The following CCDC28B variants were observed in gnomAD, a reference collection of about 807,000 sequenced individuals.
CCDC28B encodes the protein coiled-coil domain-containing protein 28B.
A neutral mutation model predicts 18.7 loss-of-function variants in CCDC28B; 17 were observed. That is an observed-to-expected ratio of 0.91 (90% CI 0.62 to 1.36). The LOEUF (loss-of-function observed/expected upper bound fraction) is 1.36. Ranked by LOEUF, CCDC28B falls within the 40% of genes most tolerant of loss-of-function variation. CCDC28B has a pLI of 0.00. For missense variants in CCDC28B, 213 were observed against 251.7 expected (o/e 0.85, Z 1.04); for synonymous variants, 116 against 105.1 (o/e 1.10, Z -0.64).
chr1:32,203,992 G>C lies in CCDC28B; in HGVS notation c.278G>C (p.Gly93Ala). The change falls in exon 3 of 6, where the codon GGG (glycine) becomes GCG (alanine). Residue 93 changes from glycine (G) to alanine (A), a missense_variant. Transcript: ENST00000373602. ...GTGACTGATGTCTATGAGATGGAGGGGGGACTCCTGAACCTGCTCAATGAT... is the reference window on the plus strand; with the variant it reads ...GTGACTGATGTCTATGAGATGGAGGCGGGACTCCTGAACCTGCTCAATGAT... ...TEVTDVYEME[G>A]GLLNLLNDFH... 1.3e-6 allele frequency: 2 copies of C among 1,575,742 alleles called. No individual in the cohort carries two copies. The highest frequency in any genetic ancestry group is 1.7e-6 in the Non-Finnish European group (2 of 1,161,462).
chr1:32,199,979 A>T (rs888773681), upstream of CCDC28B, among the ~76,000 whole-genome samples: 4 of 152,120 alleles, frequency 2.6e-5, no homozygotes, highest in Admixed American at 6.5e-5. Context: ...GTGCCAGGGA[A>T]TCGCGTGGTC....
chr1:32,204,477 G>T, intron 4 of CCDC28B, 98 bp downstream of exon 4: 7 of 1,513,218 alleles, frequency 4.6e-6, no homozygotes, highest in Non-Finnish European at 6.2e-6. Context: ...GAAAAGGTGG[G>T]AGTGCATGGA....
chr1:32,201,697 A>G, intron 1 of CCDC28B: 1 of 381,400 alleles, frequency 2.6e-6, no homozygotes, highest in Non-Finnish European at 4.7e-6. Context: ...CTAGGTTTTC[A>G]GGCAGAAGGG....
chr1:32,198,727 G>A (rs1643080156), upstream of CCDC28B, among the ~76,000 whole-genome samples: 1 of 152,198 alleles, frequency 6.6e-6, no homozygotes, highest in East Asian at 1.9e-4. Flanking sequence ...GTGATTAAAT[G>A]GTACAGCTGG....
rs979217136 is a variant in CCDC28B at position 32,204,055 on chromosome 1, G to C, written c.331+10G>C. The C allele has an allele frequency of 1.3e-6, 2 of 1,564,972 alleles. No individual in the cohort carries two copies. The highest frequency in any genetic ancestry group is 2.7e-5 in the African/African-American group (2 of 73,602). ...CGGCTGCAGGCCTTCGGTGAGTCCT[G>C]GGGGCTGGTTTCAGCGGGTGTGTGG... On this transcript the variant is annotated intron_variant, in intron 3 of 5. Transcript: ENST00000373602.
At chr1:32,198,174 CT>C (rs1643065281), upstream of CCDC28B, 1 of 152,282 alleles carries the variant, frequency 6.6e-6, no homozygotes, top group Non-Finnish European at 1.5e-5. Flanking sequence ...GCCACTCAGA[CT>C]TGTTTGAAGC....
rs945663780 is a variant in CCDC28B at position 32,204,855 on chromosome 1, T to C, written c.548+235T>C. On this transcript the variant is annotated intron_variant, in intron 5 of 5. Transcript: ENST00000373602. ...CTGATCAAAATCTTTGTGAGTACTT[T>C]AGCTGACATCAATCATAGCAAAGCT... 8.4e-6 allele frequency: 13 copies of C among 1,539,726 alleles called. No homozygotes were observed. The South Asian group carries it at 1.6e-4, about 18-fold the overall frequency.
intron 4 of CCDC28B, 60 bp downstream of exon 4, chr1:32,204,439 C>T (rs965261932): frequency 1.3e-6 from 2 of 1,522,960 alleles, no homozygotes; most frequent in African/African-American, 1.4e-5. Flanking sequence ...AAGGTACATA[C>T]TCCCAAAGCC....
At position 32,204,172 on chromosome 1, in the gene CCDC28B, G is replaced by A. The variant is rs913800131; in HGVS notation, c.332-14G>A. 1.9e-6 allele frequency: 3 copies of A among 1,613,914 alleles called. No individual in the cohort carries two copies. Among genetic ancestry groups the A allele is most frequent in the Middle Eastern group, 1.6e-4 (1 of 6,062 alleles). ...GGACTCTTTCCCAGGGTTCAGACAG[G>A]GGCTTCGTTCCAGGGAAGGAATGCT... is the stretch of plus-strand genomic sequence containing the variant. On this transcript the variant is annotated splice_polypyrimidine_tract_variant and intron_variant, in intron 3 of 5. Transcript: ENST00000373602.
In CCDC28B at chr1:32,205,382, A is replaced by G; in HGVS notation, c.*134A>G. The G allele has an allele frequency of 1.0e-6, 1 of 962,544 alleles. No homozygotes were observed. Among genetic ancestry groups the G allele is most frequent in the Non-Finnish European group, 1.5e-6 (1 of 654,104 alleles). 59.6% of individuals were successfully genotyped at this position (962,544 alleles called of 1,614,324 possible). On this transcript the variant is annotated 3_prime_UTR_variant, in exon 6 of 6. Transcript: ENST00000373602. This position sits in a 1 kb window ranked among gnomAD's most constrained non-coding sequence, Gnocchi z 5.6. ...GTTGAATGGAATTAAACCAGAAAGA[A>G]AGCAAGCGGCTCCGTGTCCTGCTTC...
upstream of CCDC28B, chr1:32,196,834 C>G (rs979735840): frequency 1.3e-5 from 2 of 152,236 alleles, no homozygotes; most frequent in African/African-American, 4.8e-5. Context: ...ATGTTAAGTA[C>G]TGAATCATGT....
upstream of CCDC28B, chr1:32,197,174 CAG>C (rs1013028251): frequency 5.3e-5 from 8 of 151,960 alleles, no homozygotes; most frequent in African/African-American, 1.9e-4. The surrounding 1 kb of genome is among the most constrained non-coding windows in gnomAD (Gnocchi z 4.6). Context: ...GCCAACCTCA[CAG>C]AGTGTTTGCT....
chr1:32,202,514 A>AT (rs570445420), intron 2 of CCDC28B: 7 of 358,838 alleles, frequency 2.0e-5, no homozygotes, highest in Non-Finnish European at 2.7e-5. Context: ...TCTCTGTTGA[A>AT]TTTTTTTTAT....
At chr1:32,201,311 C>T (rs1355403477) in intron 1 of CCDC28B, among the ~76,000 whole-genome samples, 1 of 152,122 alleles carries the variant, frequency 6.6e-6, no homozygotes, top group Non-Finnish European at 1.5e-5. Flanking sequence ...TATAGGGAGT[C>T]CCTAATATTT....
chr1:32,203,272 C>T (rs1377549820), intron 2 of CCDC28B: 1 of 151,790 alleles, frequency 6.6e-6, no homozygotes, highest in Middle Eastern at 3.4e-3. Flanking sequence ...GCCTGGCCAA[C>T]ACGGTGAAAC....
intron 4 of CCDC28B, 78 bp downstream of exon 4, chr1:32,204,457 G>A (rs1242014955): frequency 4.0e-6 from 6 of 1,517,244 alleles, no homozygotes; most frequent in South Asian, 1.3e-5. Context: ...GCCATTCCTG[G>A]GCCCTGGGTG....
At chr1:32,199,477 C>T (rs1643101039), upstream of CCDC28B, among the ~76,000 whole-genome samples, 1 of 152,194 alleles carries the variant, frequency 6.6e-6, no homozygotes, top group Admixed American at 6.5e-5. Flanking sequence ...CACAGGGGTG[C>T]TCCCTCTGTC....
At chr1:32,201,110 C>G (rs1043180545) in intron 1 of CCDC28B, among the ~76,000 whole-genome samples, 4 of 152,062 alleles carry the variant, frequency 2.6e-5, no homozygotes, top group African/African-American at 9.7e-5. Flanking sequence ...GGAGGGAACC[C>G]CAGCCGACCG....
chr1:32,205,082 G>C lies in CCDC28B; in HGVS notation c.549-112G>C. 1 of 1,373,668 alleles carries C rather than the reference G, an allele frequency of 7.3e-7. No homozygotes were observed. Among genetic ancestry groups the C allele is most frequent in the Non-Finnish European group, 1.0e-6 (1 of 1,004,448 alleles). 85.1% of individuals were successfully genotyped at this position (1,373,668 alleles called of 1,614,324 possible). A position where few individuals can be genotyped will look rare whatever the true frequency, so the allele number is the denominator to read the frequency against. ...CAACCTCAGTCCACAGACGGCCCGA[G>C]ACCCTCGTCCCCGGCCCTTTGCACA... On this transcript the variant is annotated intron_variant, in intron 5 of 5. Transcript: ENST00000373602. The surrounding 1 kb of genome is among the most constrained non-coding windows in gnomAD (Gnocchi z 5.6).
Sources: gnomAD v4.1 joint callset for allele counts (sites outside exome capture counted in the v4.1 genomes callset) on GRCh38, gnomAD v4.1.1 for gene constraint, Gnocchi (gnomAD v3.1) non-coding constraint, MANE v1.5 for transcripts, NCBI Gene and HGNC (gene_info 2026-07-23, HGNC 2026-07-21) for gene names.